OR2C1: variants seen among roughly 807,000 people sequenced by gnomAD.
The protein encoded by OR2C1 is olfactory receptor family 2 subfamily C member 1.
For synonymous variants in OR2C1, 209 were observed against 167.3 expected (o/e 1.25, Z -1.92); for missense variants, 468 against 388.3 (o/e 1.21, Z -1.73).
upstream of OR2C1, among the ~76,000 whole-genome samples, chr16:3,354,624 A>G (rs1421358034): frequency 6.6e-6 from 1 of 152,214 alleles, no homozygotes; most frequent in Non-Finnish European, 1.5e-5. Context: ...TCATCTTTCT[A>G]GATCCAGCAC....
the OR2C1 span, among the ~76,000 whole-genome samples, chr16:3,345,979 G>A: frequency 6.6e-6 from 1 of 151,660 alleles, no homozygotes; most frequent in African/African-American, 2.4e-5. Flanking sequence ...GACTATAGGT[G>A]TGCACCACCA....
the OR2C1 span, among the ~76,000 whole-genome samples, chr16:3,337,258 A>G: frequency 6.6e-6 from 1 of 151,522 alleles, no homozygotes; most frequent in Non-Finnish European, 1.5e-5. Context: ...GGGTTCAAGC[A>G]ATTCTTATGC....
At chr16:3,354,655 A>G (rs2030630076), upstream of OR2C1, among the ~76,000 whole-genome samples, 1 of 152,164 alleles carries the variant, frequency 6.6e-6, no homozygotes, top group South Asian at 2.1e-4. Context: ...CTCAGAGGGG[A>G]GGGATGTAGA....
At chr16:3,323,253 A>G in the OR2C1 span, 1 of 792,208 alleles carries the variant, frequency 1.3e-6, no homozygotes. Flanking sequence ...CATCTCCTTG[A>G]GGAAGCCCAC....
At chr16:3,334,822 CTT>C in the OR2C1 span, among the ~76,000 whole-genome samples, 7 of 140,612 alleles carry the variant, frequency 5.0e-5, no homozygotes, top group Admixed American at 7.1e-5. Flanking sequence ...CCACTTTGTT[CTT>C]TTTTTTTTTT....
chr16:3,337,790 T>A, the OR2C1 span, among the ~76,000 whole-genome samples: 1 of 151,370 alleles, frequency 6.6e-6, no homozygotes, highest in African/African-American at 2.4e-5. Flanking sequence ...GGTTTCCCTG[T>A]TTGCTGTTGA....
the OR2C1 span, among the ~76,000 whole-genome samples, chr16:3,333,337 T>G: frequency 1.7e-3 from 264 of 151,394 alleles, 3 homozygotes; most frequent in Middle Eastern, 3.4e-3. Context: ...TTTTATTTTA[T>G]TTTAGTTTAG....
the OR2C1 span, among the ~76,000 whole-genome samples, chr16:3,331,869 A>T: frequency 6.6e-6 from 1 of 151,320 alleles, no homozygotes; most frequent in African/African-American, 2.4e-5. Flanking sequence ...AATGTGGCAC[A>T]TATACACCAT....
At chr16:3,350,764 C>G in the OR2C1 span, among the ~76,000 whole-genome samples, 1 of 151,832 alleles carries the variant, frequency 6.6e-6, no homozygotes, top group Non-Finnish European at 1.5e-5. Flanking sequence ...AAAGTCATCT[C>G]TGGAATGGTC....
At chr16:3,335,127 T>A in the OR2C1 span, among the ~76,000 whole-genome samples, 2 of 152,192 alleles carry the variant, frequency 1.3e-5, no homozygotes, top group Non-Finnish European at 2.9e-5. Flanking sequence ...CTCCACTTAG[T>A]TCTTTATACT....
the OR2C1 span, among the ~76,000 whole-genome samples, chr16:3,337,775 G>A: frequency 6.0e-3 from 918 of 152,102 alleles, 14 homozygotes; most frequent in African/African-American, 0.02. Flanking sequence ...CATTCGTGAA[G>A]GTCAGGTTTC....
chr16:3,356,912 A>G lies in OR2C1; in HGVS notation c.*33A>G. The G allele has an allele frequency of 6.8e-7, 1 of 1,476,176 alleles. No individual in the cohort carries two copies. The allele number at this position is 1,476,176 out of a possible 1,614,324, so 91.4% of individuals were successfully genotyped here. ...CTCCTTCGTTATTTATTGCGTCTTC[A>G]TCTCTACATGCGTTTCTCATTAACT... On this transcript the variant is annotated 3_prime_UTR_variant, in exon 1 of 1. Coordinates refer to ENST00000304936, the MANE Select transcript of OR2C1 (RefSeq NM_012368.3).
At chr16:3,329,234 A>T in the OR2C1 span, among the ~76,000 whole-genome samples, 1 of 143,524 alleles carries the variant, frequency 7.0e-6, no homozygotes, top group Non-Finnish European at 1.5e-5. Flanking sequence ...TGGAGCGGGA[A>T]GAAGAAATGG....
chr16:3,356,930 C>G lies in OR2C1; in HGVS notation c.*51C>G, dbSNP rs761453968. 1 of 1,391,386 alleles carries G rather than the reference C, an allele frequency of 7.2e-7. No homozygotes were observed. The highest frequency in any genetic ancestry group is 2.5e-5 in the Admixed American group (1 of 39,596). The allele number at this position is 1,391,386 out of a possible 1,614,324, so 86.2% of individuals were successfully genotyped here. A position where few individuals can be genotyped will look rare whatever the true frequency, so the allele number is the denominator to read the frequency against. On this transcript the variant is annotated 3_prime_UTR_variant, in exon 1 of 1. Transcript: ENST00000304936. ...CGTCTTCATCTCTACATGCGTTTCT[C>G]ATTAACTCTCTCTGGCCAGGTGAAC...
chr16:3,353,508 A>C (rs970935490), upstream of OR2C1, among the ~76,000 whole-genome samples: 27 of 147,550 alleles, frequency 1.8e-4, 1 homozygote, highest in East Asian at 4.6e-3. Flanking sequence ...AAAAAAAAAA[A>C]AGAATAAGTA....
At chr16:3,332,779 T>C in the OR2C1 span, among the ~76,000 whole-genome samples, 1 of 151,758 alleles carries the variant, frequency 6.6e-6, no homozygotes, top group Admixed American at 6.6e-5. Flanking sequence ...ATTCATCCAT[T>C]GATGGACGCT....
chr16:3,346,787 G>T, the OR2C1 span, among the ~76,000 whole-genome samples: 2 of 150,936 alleles, frequency 1.3e-5, no homozygotes, highest in East Asian at 2.0e-4. Flanking sequence ...CCGCCACCAC[G>T]CTCGACTAAT....
downstream of OR2C1, among the ~76,000 whole-genome samples, chr16:3,357,563 T>A (rs2030702266): frequency 6.6e-6 from 1 of 152,136 alleles, no homozygotes; most frequent in Non-Finnish European, 1.5e-5. Context: ...ACAGATGGGG[T>A]CTCACTCTGT....
the OR2C1 span, among the ~76,000 whole-genome samples, chr16:3,335,825 TTAGGTTTTTC>T: frequency 6.6e-6 from 1 of 152,196 alleles, no homozygotes; most frequent in African/African-American, 2.4e-5. Context: ...TGTGGAGTCT[TTAGGTTTTTC>T]TAAATGTAAG....
Sources: gnomAD v4.1 joint callset for allele counts (sites outside exome capture counted in the v4.1 genomes callset) on GRCh38, gnomAD v4.1.1 for gene constraint, MANE v1.5 for transcripts, NCBI Gene and HGNC (gene_info 2026-07-23, HGNC 2026-07-21) for gene names.